The following FSD1L variants were observed in gnomAD, a reference collection of about 807,000 sequenced individuals.
The protein encoded by FSD1L is FSD1-like protein.
FSD1L carries 45 observed loss-of-function variants against 71.6 expected under a neutral mutation model. That is an observed-to-expected ratio of 0.63 (90% CI 0.49 to 0.81). FSD1L has a LOEUF of 0.81. Among genes scored for constraint, FSD1L ranks in the 30% least tolerant of loss-of-function variants. The pLI is 0.00. For synonymous variants in FSD1L, 197 were observed against 207.2 expected, an observed-to-expected ratio of 0.95 and a Z score of 0.42; for missense variants, 561 against 618.1, an observed-to-expected ratio of 0.91 and a Z score of 0.98.
chr9:105,442,620 G>A, the FSD1L span, among the ~76,000 whole-genome samples: 2 of 152,024 alleles, frequency 1.3e-5, no homozygotes, highest in Admixed American at 6.5e-5. Context: ...CCTGGGAGGC[G>A]GAGGTTGCAG....
At chr9:105,522,770 G>T in intron 10 of FSD1L, 1 of 1,609,696 alleles carries the variant, frequency 6.2e-7, no homozygotes, top group Non-Finnish European at 8.5e-7. Context: ...CTGATCTGAT[G>T]GATGAGTTTA....
chr9:105,495,858 C>G (rs1159414843), intron 7 of FSD1L, among the ~76,000 whole-genome samples: 1 of 151,872 alleles, frequency 6.6e-6, no homozygotes, highest in Non-Finnish European at 1.5e-5. Flanking sequence ...GCATGTAGTC[C>G]CAGCTCCTCG....
At position 105,550,137 on chromosome 9, in the gene FSD1L, G is replaced by A. The variant is rs973037087; in HGVS notation, c.*3654G>A. 5.3e-5 allele frequency: 8 copies of A among 152,024 alleles called. No individual in the cohort carries two copies. Among genetic ancestry groups the A allele is most frequent in the Non-Finnish European group, 1.2e-4 (8 of 67,912 alleles). 9.4% of individuals were successfully genotyped at this position (152,024 alleles called of 1,614,324 possible). A position where few individuals can be genotyped will look rare whatever the true frequency, so the allele number is the denominator to read the frequency against. ...ACATTAACCAAAACCAGTGAAGTTT[G>A]ATGGACTGTGCATAGAGTTTTGCAG... On this transcript the variant is annotated 3_prime_UTR_variant, in exon 14 of 14. Transcript: ENST00000481272.
In FSD1L at chr9:105,512,918, GA is replaced by G; in HGVS notation, c.1011del (p.Glu338ArgfsTer16). The G allele has an allele frequency of 6.5e-7, 1 of 1,536,916 alleles. No homozygotes were observed. Among genetic ancestry groups the G allele is most frequent in the Non-Finnish European group, 8.8e-7 (1 of 1,141,390 alleles). On this transcript the variant is annotated frameshift_variant, in exon 10 of 14. Transcript: ENST00000481272. LOFTEE classifies it high-confidence loss of function. ...GGKGQESKIK[G>X]KENKGRSGTP... The stretch of plus-strand genomic sequence containing the variant: ...AAAGGTCAAGAAAGTAAAATTAAAG[GA>G]AAAGAGAACAAGGGCAGGTAAGCTA...
At chr9:105,479,060 A>G (rs1219452311) in intron 5 of FSD1L, among the ~76,000 whole-genome samples, 1 of 152,194 alleles carries the variant, frequency 6.6e-6, no homozygotes, top group Non-Finnish European at 1.5e-5. Context: ...GTGTGTTTTG[A>G]TAATCTTAAG....
chr9:105,491,419 A>T (rs1832929254), intron 7 of FSD1L, among the ~76,000 whole-genome samples: 1 of 152,106 alleles, frequency 6.6e-6, no homozygotes, highest in Non-Finnish European at 1.5e-5. Context: ...GGGGTTTCCT[A>T]GATATACAAT....
chr9:105,517,366 C>T (rs1834796108), intron 10 of FSD1L, among the ~76,000 whole-genome samples: 1 of 152,116 alleles, frequency 6.6e-6, no homozygotes, highest in Non-Finnish European at 1.5e-5. Context: ...CCCAAGAAAC[C>T]TAATTGTCAG....
intron 13 of FSD1L, among the ~76,000 whole-genome samples, chr9:105,539,587 A>T (rs1836476361): frequency 6.6e-6 from 1 of 152,068 alleles, no homozygotes; most frequent in Admixed American, 6.6e-5. Flanking sequence ...TAGTTTGATG[A>T]GTTTTTATAG....
intron 10 of FSD1L, chr9:105,522,205 C>T (rs1472733318): frequency 1.3e-5 from 21 of 1,613,724 alleles, no homozygotes; most frequent in Non-Finnish European, 1.7e-5. Flanking sequence ...GTATTGTCAT[C>T]GTTGACCTAT....
At chr9:105,487,849 T>G (rs1832657494) in intron 7 of FSD1L, among the ~76,000 whole-genome samples, 1 of 152,198 alleles carries the variant, frequency 6.6e-6, no homozygotes, top group Non-Finnish European at 1.5e-5. Context: ...TTTCTTACAT[T>G]TGTAGCTTTT....
At position 105,468,265 on chromosome 9, in the gene FSD1L, A is replaced by C. The variant is rs2131629954; in HGVS notation, c.280A>C (p.Lys94Gln). The C allele has an allele frequency of 6.7e-7, 1 of 1,486,556 alleles. No homozygotes were observed. The highest frequency in any genetic ancestry group is 2.8e-5 in the East Asian group (1 of 36,130). The allele number at this position is 1,486,556 out of a possible 1,614,324, so 92.1% of individuals were successfully genotyped here. The change falls in exon 4 of 14, where the codon AAA becomes CAA. Residue 94 changes from lysine to glutamine, a missense_variant. Lys to Gln is a moderately conservative substitution (Grantham distance 53, BLOSUM62 1). Coordinates refer to ENST00000481272, the MANE Select transcript of FSD1L (RefSeq NM_001145313.3). Reference sequence around the variant, plus strand: ...TTTATACTCTATACTGGATGAAGTAAAAGAAAGTATGATTAACTGTATCAA... The same window carrying C: ...TTTATACTCTATACTGGATGAAGTACAAGAAAGTATGATTAACTGTATCAA... ...DSLYSILDEV[K>Q]ESMINCIKQE...
At chr9:105,444,200 A>G (rs1328476057), upstream of FSD1L, among the ~76,000 whole-genome samples, 1 of 152,234 alleles carries the variant, frequency 6.6e-6, no homozygotes, top group Non-Finnish European at 1.5e-5. Context: ...TATGAGTAAG[A>G]GAGTAATTAT....
intron 10 of FSD1L, chr9:105,531,003 T>C (rs7856617): frequency 0.13 from 20,132 of 157,916 alleles, 1,699 homozygotes; most frequent in East Asian, 0.47. Flanking sequence ...TCACTTGCCG[T>C]AACCAATAAG....
At chr9:105,502,884 AT>A (rs60907043) in intron 7 of FSD1L, among the ~76,000 whole-genome samples, 19,941 of 135,086 alleles carry the variant, frequency 0.15, 1,566 homozygotes, top group East Asian at 0.45. Context: ...CTGTAATAAG[AT>A]TTTTTTTTTT....
intron 10 of FSD1L, chr9:105,520,533 A>G (rs867898946): frequency 1.2e-5 from 14 of 1,203,398 alleles, no homozygotes; most frequent in Middle Eastern, 4.4e-4. Context: ...AAATTTTACA[A>G]CTTCTTCCAG....
chr9:105,499,237 A>G (rs1186010019), intron 7 of FSD1L, among the ~76,000 whole-genome samples: 1 of 152,166 alleles, frequency 6.6e-6, no homozygotes, highest in African/African-American at 2.4e-5. Context: ...GTTGTCATTT[A>G]TTTCACTTAT....
At chr9:105,513,481 A>T in intron 10 of FSD1L, 1 of 620,642 alleles carries the variant, frequency 1.6e-6, no homozygotes, top group Non-Finnish European at 2.6e-6. Context: ...TGCCATTGTG[A>T]GTTACAGTAA....
At chr9:105,525,521 C>A in intron 10 of FSD1L, 1 of 1,610,070 alleles carries the variant, frequency 6.2e-7, no homozygotes, top group Non-Finnish European at 8.5e-7. Flanking sequence ...CCTCAAAAAC[C>A]TCAGTCAGCA....
chr9:105,523,476 G>A lies in FSD1L; in HGVS notation c.1025+10540G>A, dbSNP rs1589074750. 11 of 1,613,002 alleles carry A rather than the reference G, an allele frequency of 6.8e-6. No homozygotes were observed. In the African/African-American group the frequency reaches 8.0e-5, roughly 12 times the overall value. ...AAGAATGCTAGGCATTTTGGGAGAT[G>A]TAAATTCAATCATGGATCCTGAAAT... is the stretch of plus-strand genomic sequence containing the variant. On this transcript the variant is annotated intron_variant, in intron 10 of 13. Coordinates refer to ENST00000481272, the MANE Select transcript of FSD1L (RefSeq NM_001145313.3).
Sources: gnomAD v4.1 joint callset for allele counts (sites outside exome capture counted in the v4.1 genomes callset) on GRCh38, gnomAD v4.1.1 for gene constraint, MANE v1.5 for transcripts, NCBI Gene and HGNC (gene_info 2026-07-23, HGNC 2026-07-21) for gene names.